RNF180: variants seen among roughly 807,000 people sequenced by gnomAD.
RNF180 encodes the protein E3 ubiquitin-protein ligase RNF180.
In RNF180, 38 loss-of-function variants were observed where a neutral mutation model predicts 59.2. The ratio of observed to expected loss-of-function variants is 0.64; its 90% CI spans 0.50 to 0.84. The LOEUF is 0.84. RNF180 is among the 40% of genes least tolerant of loss of function. The probability of loss-of-function intolerance (pLI) is 0.00; values close to 1 mark genes in which losing one functional copy is unlikely to be tolerated. For synonymous variants in RNF180, 262 were observed against 240.3 expected (o/e 1.09, Z -0.84); for missense variants, 705 against 700.9 (o/e 1.01, Z -0.07).
intron 5 of RNF180, among the ~76,000 whole-genome samples, chr5:64,308,063 A>G (rs16892617): frequency 0.34 from 50,926 of 151,586 alleles, 9,592 homozygotes; most frequent in African/African-American, 0.52. Flanking sequence ...AGTATGAATC[A>G]AGATACAAAT....
chr5:64,170,677 A>T (rs927439172), intron 1 of RNF180, among the ~76,000 whole-genome samples: 1 of 152,218 alleles, frequency 6.6e-6, no homozygotes, highest in Non-Finnish European at 1.5e-5. Context: ...GTGTGAAGTC[A>T]TCAGCTTCTT....
chr5:64,228,555 A>G (rs977566773), intron 5 of RNF180, among the ~76,000 whole-genome samples: 9 of 152,156 alleles, frequency 5.9e-5, no homozygotes, highest in African/African-American at 1.7e-4. Flanking sequence ...GTTGTTATCT[A>G]TGAAGGGGAA....
intron 5 of RNF180, among the ~76,000 whole-genome samples, chr5:64,279,950 G>A (rs191126870): frequency 1.1e-3 from 166 of 152,174 alleles, no homozygotes; most frequent in African/African-American, 3.7e-3. Context: ...AAAATTAGCC[G>A]GGCGTGGTGG....
chr5:64,219,575 C>T (rs146432087), intron 5 of RNF180, among the ~76,000 whole-genome samples: 15,580 of 151,796 alleles, frequency 0.1, 899 homozygotes, highest in South Asian at 0.17. Context: ...AGTGCAGTGG[C>T]GCGATCTCAG....
At chr5:64,254,992 A>T (rs1743844915) in intron 5 of RNF180, among the ~76,000 whole-genome samples, 4 of 152,154 alleles carry the variant, frequency 2.6e-5, no homozygotes, top group Admixed American at 2.6e-4. Flanking sequence ...TTTCCCCACA[A>T]GCAAATCACA....
In RNF180 at chr5:64,193,057, T is replaced by C. The variant is rs530838884; in HGVS notation, c.1-7751T>C. On this transcript the variant is annotated intron_variant, in intron 1 of 7. Coordinates refer to ENST00000389100, the MANE Select transcript of RNF180 (RefSeq NM_001113561.2). ...TCACAGAAGGGCAAATACATTATTA[T>C]ACTTATATGAGGTTATCTAAGATAG... Among the ~76,000 whole-genome samples, 9 of 151,544 alleles carry C rather than the reference T, an allele frequency of 5.9e-5. No individual in the cohort carries two copies. In the South Asian group the frequency reaches 1.9e-3, roughly 32 times the overall value.
chr5:64,257,264 C>T (rs973166770), intron 5 of RNF180, among the ~76,000 whole-genome samples: 1 of 152,228 alleles, frequency 6.6e-6, no homozygotes, highest in African/African-American at 2.4e-5. Context: ...TGAGAGAGGG[C>T]ATCCTTGTCT....
At chr5:64,259,188 A>G (rs147618574) in intron 5 of RNF180, among the ~76,000 whole-genome samples, 28 of 152,256 alleles carry the variant, frequency 1.8e-4, no homozygotes, top group African/African-American at 5.3e-4. Context: ...AGAAGGCTGT[A>G]TAAGTGATGT....
At chr5:64,300,291 A>G (rs1329187943) in intron 5 of RNF180, among the ~76,000 whole-genome samples, 3 of 151,808 alleles carry the variant, frequency 2.0e-5, no homozygotes, top group African/African-American at 2.4e-5. Context: ...TCACACCTCA[A>G]ATTGCGAAAG....
At chr5:64,278,002 CAGTT>C (rs1741819292) in intron 5 of RNF180, among the ~76,000 whole-genome samples, 1 of 152,134 alleles carries the variant, frequency 6.6e-6, no homozygotes, top group South Asian at 2.1e-4. Context: ...GTATCTGTGA[CAGTT>C]TGTTTTGCCT....
chr5:64,327,330 T>G (rs534335717), intron 6 of RNF180, among the ~76,000 whole-genome samples: 1 of 152,216 alleles, frequency 6.6e-6, no homozygotes, highest in African/African-American at 2.4e-5. Context: ...AATTTGGGGT[T>G]TGGTTTGTTC....
chr5:64,360,136 A>G (rs1005039702), intron 7 of RNF180, among the ~76,000 whole-genome samples: 1 of 151,928 alleles, frequency 6.6e-6, no homozygotes, highest in African/African-American at 2.4e-5. Flanking sequence ...TTGGTTCCAT[A>G]TGAACTTTAA....
chr5:64,229,345 A>T (rs1741977562), intron 5 of RNF180, among the ~76,000 whole-genome samples: 2 of 152,238 alleles, frequency 1.3e-5, no homozygotes, highest in South Asian at 4.1e-4. Context: ...GGTGAAATGG[A>T]TCATCTTGTT....
intron 5 of RNF180, among the ~76,000 whole-genome samples, chr5:64,241,672 A>C (rs930993094): frequency 2.0e-5 from 3 of 152,218 alleles, no homozygotes; most frequent in East Asian, 1.9e-4. Context: ...AAATATCTTC[A>C]TAAGAGCTAA....
At chr5:64,336,806 A>T (rs1469621682) in intron 7 of RNF180, among the ~76,000 whole-genome samples, 1 of 151,812 alleles carries the variant, frequency 6.6e-6, no homozygotes, top group African/African-American at 2.4e-5. Context: ...TTAATTTTTT[A>T]TTTACTTTAG....
At chr5:64,228,909 T>G (rs1741936879) in intron 5 of RNF180, among the ~76,000 whole-genome samples, 1 of 149,630 alleles carries the variant, frequency 6.7e-6, no homozygotes, top group Non-Finnish European at 1.5e-5. Context: ...AAACTTTCTA[T>G]TACTGCTTTT....
At chr5:64,320,219 G>T (rs1561258977) in intron 5 of RNF180, among the ~76,000 whole-genome samples, 1 of 152,104 alleles carries the variant, frequency 6.6e-6, no homozygotes, top group Non-Finnish European at 1.5e-5. Context: ...GCCTAGTCTT[G>T]ATCCTGCCCT....
intron 5 of RNF180, among the ~76,000 whole-genome samples, chr5:64,272,055 A>G (rs13163552): frequency 6.6e-6 from 1 of 152,114 alleles, no homozygotes; most frequent in African/African-American, 2.4e-5. Context: ...CTTTCATTCA[A>G]CAAATATTAA....
At chr5:64,262,258 G>A (rs1051231049) in intron 5 of RNF180, among the ~76,000 whole-genome samples, 1 of 152,048 alleles carries the variant, frequency 6.6e-6, no homozygotes, top group East Asian at 1.9e-4. Context: ...CATTCTTTAA[G>A]ATTACTTTCT....
Sources: gnomAD v4.1 joint callset for allele counts (sites outside exome capture counted in the v4.1 genomes callset) on GRCh38, gnomAD v4.1.1 for gene constraint, MANE v1.5 for transcripts, NCBI Gene and HGNC (gene_info 2026-07-23, HGNC 2026-07-21) for gene names.